The following SGCZ variants were observed in gnomAD, a reference collection of about 807,000 sequenced individuals.
SGCZ encodes the protein sarcoglycan zeta, also known as zeta-sarcoglycan.
Under a neutral mutation model 41.3 loss-of-function variants are expected in SGCZ, and 40 were observed. The observed-to-expected ratio is 0.97, with a 90% CI of 0.75 to 1.26. The LOEUF is 1.26. Ranked by LOEUF, SGCZ falls within the 50% of genes most tolerant of loss-of-function variation. SGCZ has a pLI of 0.00. For missense variants in SGCZ, 552 were observed against 369.8 expected, an observed-to-expected ratio of 1.49 and a Z score of -4.04; for synonymous variants, 206 against 137.5, an observed-to-expected ratio of 1.50 and a Z score of -3.49.
chr8:14,467,700 A>G (rs550575108), intron 2 of SGCZ, among the ~76,000 whole-genome samples: 12 of 151,996 alleles, frequency 7.9e-5, no homozygotes, highest in Admixed American at 7.9e-4. Context: ...CTGAAGGCAT[A>G]TTTTCGGTCC....
chr8:14,126,313 G>A (rs1384823064), intron 5 of SGCZ, among the ~76,000 whole-genome samples: 1 of 152,096 alleles, frequency 6.6e-6, no homozygotes, highest in African/African-American at 2.4e-5. Flanking sequence ...CAAAAAATGG[G>A]CAAAGGACAT....
chr8:15,191,688 C>T (rs1265584918), intron 1 of SGCZ, among the ~76,000 whole-genome samples: 5 of 151,998 alleles, frequency 3.3e-5, no homozygotes, highest in Non-Finnish European at 5.9e-5. Flanking sequence ...ATTCCTCATA[C>T]GAGCTTCAGC....
chr8:14,133,721 T>G (rs143422299), intron 5 of SGCZ, among the ~76,000 whole-genome samples: 1 of 152,218 alleles, frequency 6.6e-6, no homozygotes, highest in African/African-American at 2.4e-5. Flanking sequence ...TTTTCTGAGT[T>G]TTGACAAAAT....
At chr8:14,262,779 T>G (rs1417767042) in intron 3 of SGCZ, among the ~76,000 whole-genome samples, 1 of 147,890 alleles carries the variant, frequency 6.8e-6, no homozygotes, top group Admixed American at 6.8e-5. Context: ...AAAATCATGA[T>G]GCAAATCCCA....
chr8:14,100,428 G>A (rs1368714643), intron 7 of SGCZ, among the ~76,000 whole-genome samples: 1 of 150,426 alleles, frequency 6.6e-6, no homozygotes, highest in African/African-American at 2.4e-5. Flanking sequence ...AAGAATGCAA[G>A]ATGTTTAAGA....
Position 14,280,236 on chromosome 8 carries a change from T to C in SGCZ, c.337-42557A>G, listed in dbSNP as rs191470511. Among the ~76,000 whole-genome samples the C allele has an allele frequency of 1.2e-3, 177 of 152,020 alleles. 1 individual carries two copies. The highest frequency in any genetic ancestry group is 1.6e-3 in the Non-Finnish European group (107 of 67,812). On this transcript the variant is annotated intron_variant, in intron 3 of 7. Transcript: ENST00000382080. ...TTTGAATCCGTATATATATAAATAG[T>C]CTGTGTATTCTGACATGACAGAGGA...
intron 1 of SGCZ, among the ~76,000 whole-genome samples, chr8:15,213,945 G>A (rs998222328): frequency 2.0e-4 from 30 of 151,888 alleles, no homozygotes; most frequent in Non-Finnish European, 3.8e-4. Context: ...TTATTTTGGG[G>A]TTCAGCTGTA....
intron 2 of SGCZ, among the ~76,000 whole-genome samples, chr8:14,474,439 A>G (rs1208170274): frequency 1.3e-5 from 2 of 152,216 alleles, no homozygotes; most frequent in Non-Finnish European, 2.9e-5. Flanking sequence ...ACAGAAAGTG[A>G]TGCTAAAAAT....
At chr8:15,045,241 G>A (rs1804259636) in intron 1 of SGCZ, among the ~76,000 whole-genome samples, 2 of 152,016 alleles carry the variant, frequency 1.3e-5, no homozygotes, top group African/African-American at 4.8e-5. Flanking sequence ...CAAGAGACAT[G>A]ATAAAATTCA....
intron 1 of SGCZ, among the ~76,000 whole-genome samples, chr8:14,914,366 C>A: frequency 6.6e-6 from 1 of 152,190 alleles, no homozygotes; most frequent in African/African-American, 2.4e-5. Flanking sequence ...TTCTTTCTCA[C>A]AATGACAACT....
chr8:14,855,009 G>A (rs954905755), intron 1 of SGCZ, among the ~76,000 whole-genome samples: 1 of 150,972 alleles, frequency 6.6e-6, no homozygotes, highest in Non-Finnish European at 1.5e-5. Flanking sequence ...CCTCCCTCAA[G>A]ATCTAACTTT....
At chr8:14,826,430 A>G (rs144413022) in intron 1 of SGCZ, among the ~76,000 whole-genome samples, 21,086 of 151,940 alleles carry the variant, frequency 0.14, 2,142 homozygotes, top group African/African-American at 0.27. Flanking sequence ...ATCATTTATA[A>G]TCCTTTGGGG....
intron 2 of SGCZ, among the ~76,000 whole-genome samples, chr8:14,363,104 T>C (rs1803585247): frequency 6.6e-6 from 1 of 152,178 alleles, no homozygotes; most frequent in African/African-American, 2.4e-5. Context: ...ATATTCCTAA[T>C]CTGGGGTCTA....
chr8:14,202,946 C>T (rs1178826389), intron 4 of SGCZ, among the ~76,000 whole-genome samples: 12 of 152,058 alleles, frequency 7.9e-5, no homozygotes, highest in Non-Finnish European at 1.6e-4. Context: ...ATTATGGGGG[C>T]GGGTCTTTCC....
At chr8:14,262,532 C>A (rs1422087165) in intron 3 of SGCZ, among the ~76,000 whole-genome samples, 1 of 151,844 alleles carries the variant, frequency 6.6e-6, no homozygotes, top group Admixed American at 6.6e-5. Context: ...ATAATTAGAG[C>A]AATTCAGTTC....
At chr8:14,897,750 A>G (rs1304942230) in intron 1 of SGCZ, among the ~76,000 whole-genome samples, 1 of 152,168 alleles carries the variant, frequency 6.6e-6, no homozygotes, top group African/African-American at 2.4e-5. Flanking sequence ...CATCTTTTCC[A>G]AAACATCCTA....
intron 1 of SGCZ, among the ~76,000 whole-genome samples, chr8:14,921,816 A>C (rs1243652247): frequency 6.6e-6 from 1 of 152,152 alleles, no homozygotes; most frequent in Non-Finnish European, 1.5e-5. Flanking sequence ...TTTTCAATTA[A>C]TGGCGACTTT....
At chr8:14,867,795 G>C (rs1265529562) in intron 1 of SGCZ, among the ~76,000 whole-genome samples, 2 of 151,718 alleles carry the variant, frequency 1.3e-5, no homozygotes, top group Admixed American at 6.6e-5. Flanking sequence ...GAGAGGATCA[G>C]GAAAAATAAC....
chr8:14,607,626 T>A (rs1008326202), intron 1 of SGCZ, among the ~76,000 whole-genome samples: 1 of 152,092 alleles, frequency 6.6e-6, no homozygotes, highest in African/African-American at 2.4e-5. Context: ...AGACTGTGAG[T>A]GCGAGCAAAA....
Sources: gnomAD v4.1 joint callset for allele counts (sites outside exome capture counted in the v4.1 genomes callset) on GRCh38, gnomAD v4.1.1 for gene constraint, MANE v1.5 for transcripts, NCBI Gene and HGNC (gene_info 2026-07-23, HGNC 2026-07-21) for gene names.